CACNB2: variants seen among roughly 807,000 people sequenced by gnomAD.
CACNB2 encodes the protein calcium voltage-gated channel auxiliary subunit beta 2.
A neutral mutation model predicts 73.3 loss-of-function variants in CACNB2; 42 were observed. That is an observed-to-expected ratio of 0.57 (90% CI 0.45 to 0.74). The LOEUF (loss-of-function observed/expected upper bound fraction) is 0.74, where lower values mean the gene tolerates loss of function less well. Ranked by LOEUF, CACNB2 falls within the 30% of genes least tolerant of loss-of-function variation. The pLI is 0.00. For missense variants in CACNB2, 940 were observed against 853.0 expected (o/e 1.10, Z -1.27); for synonymous variants, 348 against 310.3 (o/e 1.12, Z -1.28).
intron 2 of CACNB2, among the ~76,000 whole-genome samples, chr10:18,188,059 T>A (rs1365884040): frequency 6.6e-6 from 1 of 152,218 alleles, no homozygotes; most frequent in Admixed American, 6.5e-5. Context: ...CTGTTTTGTA[T>A]TTCTGTTAAT....
chr10:18,446,197 C>G (rs1236528671), intron 3 of CACNB2, among the ~76,000 whole-genome samples: 1 of 152,080 alleles, frequency 6.6e-6, no homozygotes, highest in Non-Finnish European at 1.5e-5. Flanking sequence ...TTGGATGAAG[C>G]ATGAAGCACA....
intron 2 of CACNB2, among the ~76,000 whole-genome samples, chr10:18,328,064 A>G (rs2040653741): frequency 6.6e-6 from 1 of 152,214 alleles, no homozygotes; most frequent in Non-Finnish European, 1.5e-5. Context: ...GGACCTGAAA[A>G]GATCCAACCT....
intron 2 of CACNB2, among the ~76,000 whole-genome samples, chr10:18,213,135 G>T (rs572396960): frequency 6.6e-6 from 1 of 152,286 alleles, no homozygotes; most frequent in African/African-American, 2.4e-5. Flanking sequence ...GCCCTTGGCG[G>T]CAGGTCCTGT....
At chr10:18,249,390 G>GA (rs929547190) in intron 2 of CACNB2, among the ~76,000 whole-genome samples, 38 of 148,668 alleles carry the variant, frequency 2.6e-4, no homozygotes, top group African/African-American at 7.4e-4. Context: ...CCTATTCCAA[G>GA]AAAAAAAAAT....
At chr10:18,141,152 C>G in intron 1 of CACNB2, 2 of 1,548,480 alleles carry the variant, frequency 1.3e-6, no homozygotes, top group East Asian at 2.5e-5. Flanking sequence ...CCTCCTCGCC[C>G]CTTCCCGGGA....
At chr10:18,499,409 A>G (rs930037056) in intron 4 of CACNB2, among the ~76,000 whole-genome samples, 13 of 152,046 alleles carry the variant, frequency 8.6e-5, no homozygotes, top group African/African-American at 3.1e-4. Context: ...CAAGGTCAGG[A>G]GATGAAGACC....
chr10:18,534,636 G>A lies in CACNB2; in HGVS notation c.1206+409G>A, dbSNP rs193273069. On this transcript the variant is annotated intron_variant, in intron 11 of 13. Transcript: ENST00000324631. Reference sequence around the variant, plus strand: ...CTGTATTCACCGCCACCATGCTTTCGCAGTTTGAGGGGAAAAAAAGCCAAT... The same window carrying A: ...CTGTATTCACCGCCACCATGCTTTCACAGTTTGAGGGGAAAAAAAGCCAAT... Among the ~76,000 whole-genome samples, 541 of 152,300 alleles carry A rather than the reference G, an allele frequency of 3.6e-3. 2 individuals carry two copies. Among genetic ancestry groups the A allele is most frequent in the African/African-American group, 0.012 (516 of 41,576 alleles).
intron 6 of CACNB2, among the ~76,000 whole-genome samples, chr10:18,510,848 C>A (rs1164397843): frequency 1.3e-5 from 2 of 152,184 alleles, no homozygotes; most frequent in Non-Finnish European, 2.9e-5. Context: ...CAAGGAAACT[C>A]TTGATTTTGG....
intron 2 of CACNB2, among the ~76,000 whole-genome samples, chr10:18,269,103 A>C (rs369991175): frequency 6.6e-6 from 1 of 152,280 alleles, no homozygotes; most frequent in East Asian, 1.9e-4. Flanking sequence ...ATCAAGTCCT[A>C]CTGAGTTGAT....
intron 2 of CACNB2, among the ~76,000 whole-genome samples, chr10:18,255,093 G>A (rs1001687027): frequency 6.6e-6 from 1 of 152,044 alleles, no homozygotes; most frequent in Non-Finnish European, 1.5e-5. Context: ...CAACTGTCCT[G>A]CCAAAGTGGA....
At chr10:18,281,805 C>T (rs550412070) in intron 2 of CACNB2, among the ~76,000 whole-genome samples, 13 of 151,828 alleles carry the variant, frequency 8.6e-5, no homozygotes, top group Middle Eastern at 3.4e-3. Flanking sequence ...ATGGCAAAAC[C>T]GTGTCTCTAC....
chr10:18,169,193 A>AT (rs138697527), intron 2 of CACNB2, among the ~76,000 whole-genome samples: 45,845 of 144,434 alleles, frequency 0.32, 7,224 homozygotes, highest in South Asian at 0.36. Flanking sequence ...TGGCATATAT[A>AT]TTTTTAAAAA....
At chr10:18,141,052 C>A in intron 1 of CACNB2, 196 bp downstream of exon 1, 1 of 1,546,620 alleles carries the variant, frequency 6.5e-7, no homozygotes, top group African/African-American at 1.4e-5. Flanking sequence ...GCCTCGGCTT[C>A]CATTTTTCTC....
intron 2 of CACNB2, among the ~76,000 whole-genome samples, chr10:18,189,702 A>G (rs971371841): frequency 6.6e-6 from 1 of 152,172 alleles, no homozygotes; most frequent in East Asian, 1.9e-4. Flanking sequence ...TTGCCTGAAG[A>G]TATCTTTTTA....
rs552868927 is a variant in CACNB2, at chr10:18,534,144, G to A, written c.1123G>A (p.Ala375Thr). Residue 375 changes from alanine to threonine, a missense_variant, in exon 11 of 14, where the codon GCG becomes ACG. Coordinates refer to ENST00000324631, the MANE Select transcript of CACNB2 (RefSeq NM_201596.3). ...ARTLQLVVLD[A>T]DTINHPAQLS... ...AACATTGCAGTTGGTGGTCCTTGAC[G>A]CGGATACAATTAATCATCCAGCTCA... 1.5e-5 allele frequency: 24 copies of A among 1,613,624 alleles called. No individual in the cohort carries two copies. Among genetic ancestry groups the A allele is most frequent in the African/African-American group, 2.7e-5 (2 of 74,920 alleles).
chr10:18,489,939 G>A (rs923604077), intron 3 of CACNB2, among the ~76,000 whole-genome samples: 3 of 152,078 alleles, frequency 2.0e-5, no homozygotes, highest in South Asian at 2.1e-4. Context: ...GTGCAGTGGC[G>A]TGATCATGGC....
intron 2 of CACNB2, among the ~76,000 whole-genome samples, chr10:18,370,790 C>T (rs1351240373): frequency 6.6e-6 from 1 of 152,216 alleles, no homozygotes; most frequent in African/African-American, 2.4e-5. Context: ...ATTAAACTTT[C>T]TCCCATTGTT....
chr10:18,520,032 C>A (rs1308117532), intron 9 of CACNB2: 2 of 290,304 alleles, frequency 6.9e-6, no homozygotes, highest in Non-Finnish European at 1.3e-5. Context: ...AACTGGAAAT[C>A]TTGGACAGCC....
intron 2 of CACNB2, among the ~76,000 whole-genome samples, chr10:18,343,706 T>G (rs977079197): frequency 1.3e-5 from 2 of 152,142 alleles, no homozygotes; most frequent in African/African-American, 4.8e-5. Flanking sequence ...AAGTGATGAG[T>G]TGAGTTTTTA....
Sources: allele counts gnomAD v4.1 joint callset (sites outside exome capture counted in the v4.1 genomes callset), GRCh38; gene constraint gnomAD v4.1.1; transcripts MANE v1.5; gene names NCBI Gene and HGNC (gene_info 2026-07-23, HGNC 2026-07-21).